Variants in ANK3 observed in about 807,000 individuals in gnomAD.
The protein encoded by ANK3 is ankyrin 3, also known as ankyrin-3.
In ANK3, 57 loss-of-function variants were observed where a neutral mutation model predicts 370.9. The ratio of observed to expected loss-of-function variants is 0.15; its 90% confidence interval spans 0.12 to 0.19. The LOEUF (loss-of-function observed/expected upper bound fraction) is 0.19, where lower values mean the gene tolerates loss of function less well. ANK3 is among the 10% of genes least tolerant of loss of function. ANK3 has a pLI of 1.00. For synonymous variants in ANK3, 1,929 were observed against 1,946.3 expected (o/e 0.99, Z 0.23); for missense variants, 4,439 against 5,302.1 (o/e 0.84, Z 5.06).
intron 1 of ANK3, among the ~76,000 whole-genome samples, chr10:60,709,094 C>T (rs2079662318): frequency 6.6e-6 from 1 of 152,066 alleles, no homozygotes; most frequent in South Asian, 2.1e-4. Context: ...ACAACAACAA[C>T]AACAAAACTT....
At chr10:60,288,533 G>A (rs1223864486) in intron 1 of ANK3, among the ~76,000 whole-genome samples, 2 of 152,008 alleles carry the variant, frequency 1.3e-5, no homozygotes, top group African/African-American at 4.8e-5. Flanking sequence ...TTTCAACAGG[G>A]GATTTGGTCA....
At chr10:60,050,330 G>C (rs895822894) in intron 42 of ANK3, among the ~76,000 whole-genome samples, 1 of 152,122 alleles carries the variant, frequency 6.6e-6, no homozygotes, top group Non-Finnish European at 1.5e-5. Context: ...TCAAAATTTA[G>C]ACAACGATTT....
chr10:60,684,971 T>C, intron 1 of ANK3: 4 of 1,556,022 alleles, frequency 2.6e-6, no homozygotes, highest in Non-Finnish European at 3.5e-6. Context: ...ACAGGTGAAC[T>C]GAGCTCATCA....
intron 16 of ANK3, among the ~76,000 whole-genome samples, chr10:60,194,428 C>T (rs569184240): frequency 1.3e-5 from 2 of 152,298 alleles, no homozygotes; most frequent in Admixed American, 6.5e-5. Context: ...TCTCCCTCTA[C>T]CCTTGACATC....
intron 21 of ANK3, among the ~76,000 whole-genome samples, chr10:60,171,539 A>G (rs1171718980): frequency 6.6e-6 from 1 of 152,238 alleles, no homozygotes; most frequent in African/African-American, 2.4e-5. Flanking sequence ...CTTTGTTAAG[A>G]GTCAACCTCA....
chr10:60,173,359 G>T (rs1041312508), intron 18 of ANK3, among the ~76,000 whole-genome samples, 173 bp from the exon 19 acceptor site: 2 of 151,870 alleles, frequency 1.3e-5, no homozygotes, highest in Non-Finnish European at 2.9e-5. Flanking sequence ...ATAAGACTTA[G>T]GTATAAATTA....
intron 4 of ANK3, 61 bp from the exon 5 acceptor site, chr10:60,270,290 G>A (rs2097951472): frequency 4.4e-6 from 5 of 1,139,360 alleles, no homozygotes; most frequent in Non-Finnish European, 6.1e-6. Context: ...ATTTTTCCAT[G>A]GTACTGATGA....
Position 60,108,054 on chromosome 10 carries a change from G to A in ANK3, c.3173+776C>T, listed in dbSNP as rs1452946043. On this transcript the variant is annotated intron_variant, in intron 27 of 43. Coordinates refer to ENST00000280772, the MANE Select transcript of ANK3 (RefSeq NM_020987.5). ...TTTCTTTCAGTGACACACATCAACTGAAAGCATTAAAAAAAACTTAAAAAA... is the reference window on the plus strand; with the variant it reads ...TTTCTTTCAGTGACACACATCAACTAAAAGCATTAAAAAAAACTTAAAAAA... 2.7e-5 allele frequency: 7 copies of A among 256,602 alleles called. No individual in the cohort carries two copies. In the Admixed American group the frequency reaches 3.5e-4, roughly 13 times the overall value. 15.9% of individuals were successfully genotyped at this position (256,602 alleles called of 1,614,324 possible).
At chr10:60,458,235 TTC>T (rs1434618469) in intron 2 of ANK3, among the ~76,000 whole-genome samples, 3 of 152,170 alleles carry the variant, frequency 2.0e-5, no homozygotes, top group Non-Finnish European at 4.4e-5. Flanking sequence ...TCCTTTCATG[TTC>T]TTTCATTTGA....
At chr10:60,267,922 C>A (rs772234526) in intron 5 of ANK3, among the ~76,000 whole-genome samples, 2 of 152,218 alleles carry the variant, frequency 1.3e-5, no homozygotes, top group Non-Finnish European at 2.9e-5. Flanking sequence ...CGCTAGGACA[C>A]AATGTGTGTA....
intron 1 of ANK3, among the ~76,000 whole-genome samples, chr10:60,365,880 A>G (rs2059319634): frequency 6.6e-6 from 1 of 152,174 alleles, no homozygotes; most frequent in African/African-American, 2.4e-5. Context: ...ATAAACTATG[A>G]TTGTGTCAGC....
intron 7 of ANK3, among the ~76,000 whole-genome samples, chr10:60,243,281 T>C (rs779445627): frequency 6.6e-6 from 1 of 152,180 alleles, no homozygotes; most frequent in Non-Finnish European, 1.5e-5. Context: ...ATTTTATATG[T>C]TAGAAACTTA....
chr10:60,138,848 C>T (rs1014346462), intron 24 of ANK3, 116 bp downstream of exon 24: 11 of 1,387,564 alleles, frequency 7.9e-6, no homozygotes, highest in Non-Finnish European at 1.1e-5. Context: ...TCGCTAAATT[C>T]ACATCTTCAT....
At chr10:60,652,411 A>G (rs994878086) in intron 1 of ANK3, among the ~76,000 whole-genome samples, 2 of 151,996 alleles carry the variant, frequency 1.3e-5, no homozygotes, top group East Asian at 1.9e-4. Context: ...CAAAAACAAC[A>G]ACGAAAACTA....
chr10:60,396,891 G>A (rs991513296), intron 2 of ANK3, among the ~76,000 whole-genome samples: 2 of 152,048 alleles, frequency 1.3e-5, no homozygotes, highest in Non-Finnish European at 2.9e-5. Flanking sequence ...CAACATACAC[G>A]CTGTGATGCT....
At chr10:60,593,654 G>T (rs557831091) in intron 2 of ANK3, among the ~76,000 whole-genome samples, 2 of 152,094 alleles carry the variant, frequency 1.3e-5, no homozygotes, top group African/African-American at 4.8e-5. Context: ...TTAAGGCTAG[G>T]AGGCCAAATG....
chr10:60,219,886 T>G, intron 8 of ANK3, among the ~76,000 whole-genome samples: 1 of 152,342 alleles, frequency 6.6e-6, no homozygotes, highest in Admixed American at 6.5e-5. Context: ...ATTAATGTTA[T>G]TTAAAAATAA....
rs190549196 is a variant in ANK3, at chr10:60,335,438, T to C, written c.114+53987A>G. Reference sequence around the variant, plus strand: ...AGGTTGTTCTTTTCTAGACCATCTATAAAATTTTCTCTTCTGCAAATGAGA... The same window carrying C: ...AGGTTGTTCTTTTCTAGACCATCTACAAAATTTTCTCTTCTGCAAATGAGA... On this transcript the variant is annotated intron_variant, in intron 1 of 43. Coordinates refer to ENST00000280772, the MANE Select transcript of ANK3 (RefSeq NM_020987.5). Among the ~76,000 whole-genome samples, 3 of 152,300 alleles carry C rather than the reference T, an allele frequency of 2.0e-5. No individual in the cohort carries two copies. In the East Asian group the frequency reaches 5.8e-4, roughly 29 times the overall value.
rs188945213 is a variant in ANK3, at chr10:60,552,923, G to A, written c.96+62263C>T. Reference sequence around the variant, plus strand: ...TAAAAATGGGAGTTTCTCTGCACAAGCTCTCTCTTTGCCTGCTGCCATCCA... The same window carrying A: ...TAAAAATGGGAGTTTCTCTGCACAAACTCTCTCTTTGCCTGCTGCCATCCA... On this transcript the variant is annotated intron_variant, in intron 2 of 43. Coordinates refer to the ANK3 transcript ENST00000373827. Among the ~76,000 whole-genome samples, 806 of 152,258 alleles carry A rather than the reference G, an allele frequency of 5.3e-3. 4 individuals are homozygous for A. The highest frequency in any genetic ancestry group is 0.01 in the Middle Eastern group (3 of 294).
Sources: gnomAD v4.1 joint callset for allele counts (sites outside exome capture counted in the v4.1 genomes callset) on GRCh38, gnomAD v4.1.1 for gene constraint, MANE v1.5 for transcripts, NCBI Gene and HGNC (gene_info 2026-07-23, HGNC 2026-07-21) for gene names.